The following ANKRD36C variants were observed in gnomAD, a reference collection of about 807,000 sequenced individuals.
The protein encoded by ANKRD36C is ankyrin repeat domain-containing protein 36C.
ANKRD36C carries 61 observed loss-of-function variants against 276.4 expected under a neutral mutation model. The observed-to-expected ratio is 0.22, with a 90% CI of 0.18 to 0.27. The LOEUF is 0.27. ANKRD36C is among the 10% of genes least tolerant of loss of function. ANKRD36C has a pLI of 1.00. For synonymous variants in ANKRD36C, 483 were observed against 680.1 expected (o/e 0.71, Z 4.51); for missense variants, 1,447 against 2,032.3 (o/e 0.71, Z 5.54).
chr2:95,930,587 TAAAC>T (rs200630170), intron 24 of ANKRD36C, among the ~76,000 whole-genome samples: 1 of 151,348 alleles, frequency 6.6e-6, no homozygotes, highest in African/African-American at 2.4e-5. Flanking sequence ...GAAAATAAAC[TAAAC>T]AAAGTTTCTA....
chr2:95,933,586 C>T (rs534923666), intron 24 of ANKRD36C, among the ~76,000 whole-genome samples: 14 of 152,102 alleles, frequency 9.2e-5, no homozygotes, highest in South Asian at 6.2e-4. Flanking sequence ...TGTCTTTTAT[C>T]GGTGTATAGG....
exon 64 of ANKRD36C, chr2:95,853,770 C>G: frequency 6.2e-7 from 1 of 1,603,016 alleles, no homozygotes; most frequent in Non-Finnish European, 8.5e-7. Flanking sequence ...TAAATAGATG[C>G]AGTGACGCGA....
chr2:95,927,138 G>T (rs573596955), intron 28 of ANKRD36C, 76 bp downstream of exon 28: 4 of 1,575,210 alleles, frequency 2.5e-6, no homozygotes, highest in African/African-American at 2.7e-5. Context: ...TGAATCCCCC[G>T]CTGATTTATT....
In ANKRD36C at chr2:95,867,420, T is replaced by C. The variant is rs1369114154; in HGVS notation, c.3682+20A>G. The C allele has an allele frequency of 9.6e-7, 1 of 1,041,154 alleles. No homozygotes were observed. The highest frequency in any genetic ancestry group is 1.4e-6 in the Non-Finnish European group (1 of 723,874). 64.5% of individuals were successfully genotyped at this position (1,041,154 alleles called of 1,614,324 possible). ...GCTATAGGATTTTTAAAAAGCCTTA[T>C]ATTTATGCATTGGTCCTACCTTTAC... On this transcript the variant is annotated intron_variant, in intron 60 of 66. Coordinates refer to ENST00000456556, the Ensembl canonical transcript of ANKRD36C.
chr2:95,891,839 C>T, exon 45 of ANKRD36C: 5 of 1,563,004 alleles, frequency 3.2e-6, no homozygotes, highest in South Asian at 2.3e-5. Context: ...TACCTTCAAG[C>T]CTGATGGTTT....
chr2:95,930,463 A>G (rs963708313), intron 24 of ANKRD36C, among the ~76,000 whole-genome samples: 1 of 151,466 alleles, frequency 6.6e-6, no homozygotes, highest in African/African-American at 2.4e-5. Flanking sequence ...ACTCATGAAG[A>G]CTCCTGATGT....
At chr2:95,981,750 G>C (rs1318857205) in intron 4 of ANKRD36C, among the ~76,000 whole-genome samples, 1 of 151,876 alleles carries the variant, frequency 6.6e-6, no homozygotes, top group Non-Finnish European at 1.5e-5. Context: ...GAAAGCTAGG[G>C]ATTAAACCCA....
intron 1 of ANKRD36C, among the ~76,000 whole-genome samples, chr2:95,988,429 T>C (rs2918825): frequency 6.6e-6 from 1 of 151,854 alleles, no homozygotes; most frequent in Non-Finnish European, 1.5e-5. Flanking sequence ...AAAGATCCAA[T>C]TGGGATTCAG....
Position 95,855,574 on chromosome 2 carries a change from C to T in ANKRD36C, c.4687G>A (p.Glu1563Lys), listed in dbSNP as rs1485161775. The T allele has an allele frequency of 3.1e-6, 5 of 1,610,784 alleles. No homozygotes were observed. In the South Asian group the frequency reaches 4.4e-5, roughly 14 times the overall value. ...TTGTATCCACTTTTGTACATTTTTT[C>T]AATGTCCTTCATTTGACTCTGTTTT... is the stretch of plus-strand genomic sequence containing the variant. Residue 1563 changes from glutamate (E) to lysine (K), a missense_variant, in exon 63 of 67, where the codon GAA (glutamate) becomes AAA (lysine). Physicochemically the swap from Glu to Lys is moderately conservative, Grantham distance 56. This residue lies in a region of ANKRD36C where 437 missense variants were observed against 641.0 expected (regional missense o/e 0.68). Coordinates refer to ENST00000456556, the Ensembl canonical transcript of ANKRD36C.
chr2:95,894,719 A>G (rs1181515909), intron 44 of ANKRD36C, among the ~76,000 whole-genome samples: 2 of 151,396 alleles, frequency 1.3e-5, no homozygotes, highest in Non-Finnish European at 3.0e-5. Flanking sequence ...CAAAACATGT[A>G]TCTCTGATGC....
intron 34 of ANKRD36C, among the ~76,000 whole-genome samples, chr2:95,918,539 T>A (rs1401986453): frequency 6.6e-6 from 1 of 151,642 alleles, no homozygotes; most frequent in Non-Finnish European, 1.5e-5. Context: ...ACACTTCACA[T>A]CCCTTCAGTG....
intron 24 of ANKRD36C, among the ~76,000 whole-genome samples, chr2:95,934,260 C>G (rs1218136087): frequency 6.6e-6 from 1 of 151,986 alleles, no homozygotes; most frequent in Non-Finnish European, 1.5e-5. Flanking sequence ...TGAATACATA[C>G]CCCAAAGATT....
At chr2:95,865,425 A>T (rs1001855974) in intron 60 of ANKRD36C, among the ~76,000 whole-genome samples, 16 of 152,098 alleles carry the variant, frequency 1.1e-4, no homozygotes, top group Admixed American at 3.3e-4. Context: ...AAATTGGAGG[A>T]TTCATTTCAA....
chr2:95,983,911 C>T (rs1287125554), intron 3 of ANKRD36C, among the ~76,000 whole-genome samples: 2 of 151,556 alleles, frequency 1.3e-5, no homozygotes, highest in African/African-American at 2.4e-5. Flanking sequence ...CCACTGCGCT[C>T]GGCCAATTAC....
intron 6 of ANKRD36C, among the ~76,000 whole-genome samples, chr2:95,964,682 T>C (rs373523645): frequency 6.6e-6 from 1 of 152,088 alleles, no homozygotes; most frequent in African/African-American, 2.4e-5. Context: ...TCACTCACAT[T>C]GGTTTGAGTA....
chr2:95,861,113 A>T (rs538936247), intron 60 of ANKRD36C, among the ~76,000 whole-genome samples: 2 of 152,236 alleles, frequency 1.3e-5, no homozygotes, highest in South Asian at 4.1e-4. Context: ...CCCCAAATCT[A>T]AAAGCAAGAA....
chr2:95,891,578 C>T lies in ANKRD36C; in HGVS notation c.2857+87G>A, dbSNP rs1484077242. 9 of 1,455,726 alleles carry T rather than the reference C, an allele frequency of 6.2e-6. No individual in the cohort carries two copies. The African/African-American group carries it at 1.3e-4, about 21-fold the overall frequency. The allele number at this position is 1,455,726 out of a possible 1,614,324, so 90.2% of individuals were successfully genotyped here. ...ACTGCTGTATCAGAATGTGCAGCTT[C>T]AACGAACCCCCCGCTGATTTATTCA... is the stretch of plus-strand genomic sequence containing the variant. On this transcript the variant is annotated intron_variant, in intron 46 of 66. Coordinates refer to ENST00000456556, the Ensembl canonical transcript of ANKRD36C.
chr2:95,892,544 C>T (rs1387884214), intron 44 of ANKRD36C, among the ~76,000 whole-genome samples: 3 of 151,482 alleles, frequency 2.0e-5, no homozygotes, highest in Non-Finnish European at 4.4e-5. Context: ...ATATTAGCCT[C>T]AATAAAAATA....
intron 54 of ANKRD36C, among the ~76,000 whole-genome samples, chr2:95,883,280 A>C (rs1014140079): frequency 2.6e-5 from 4 of 152,112 alleles, no homozygotes; most frequent in Non-Finnish European, 1.5e-5. Flanking sequence ...TTTGGAAATT[A>C]CTCCAATATT....
Sources: gnomAD v4.1 joint callset for allele counts (sites outside exome capture counted in the v4.1 genomes callset) on GRCh38, gnomAD v4.1.1 for gene constraint, gnomAD v4.1.1 regional missense constraint, MANE v1.5 for transcripts, NCBI Gene and HGNC (gene_info 2026-07-23, HGNC 2026-07-21) for gene names.